The following DNAAF3 variants were observed in gnomAD, a reference collection of about 807,000 sequenced individuals.
DNAAF3 encodes the protein dynein axonemal assembly factor 3.
A neutral mutation model predicts 50.9 loss-of-function variants in DNAAF3; 40 were observed. That is an observed-to-expected ratio of 0.79 (90% CI 0.61 to 1.02). The LOEUF (loss-of-function observed/expected upper bound fraction) is 1.02, where lower values mean the gene tolerates loss of function less well. DNAAF3 is among the 50% of genes least tolerant of loss of function. DNAAF3 has a pLI of 0.00. For synonymous variants in DNAAF3, 327 were observed against 322.8 expected (o/e 1.01, Z -0.14); for missense variants, 763 against 744.7 (o/e 1.02, Z -0.29).
At chr19:55,162,331 G>A (rs967601608) in intron 4 of DNAAF3, 41 bp from the exon 5 acceptor site, 1 of 1,248,586 alleles carries the variant, frequency 8.0e-7, no homozygotes. Flanking sequence ...GTGTGGAGGA[G>A]GGAGCCCAGA....
chr19:55,162,562 G>C (rs1179492462), intron 4 of DNAAF3: 5 of 934,616 alleles, frequency 5.3e-6, no homozygotes, highest in Non-Finnish European at 6.6e-6. Context: ...CTCCAGCCTG[G>C]GCAACAGAGT....
chr19:55,161,765 G>GC lies in DNAAF3; in HGVS notation c.540dup (p.Pro181AlafsTer39). The GC allele has an allele frequency of 6.6e-7, 1 of 1,511,066 alleles. No individual in the cohort carries two copies. Among genetic ancestry groups the GC allele is most frequent in the Non-Finnish European group, 8.8e-7 (1 of 1,130,992 alleles). The allele number at this position is 1,511,066 out of a possible 1,614,324, so 93.6% of individuals were successfully genotyped here. Reference sequence around the variant, plus strand: ...AGGCGGCTCATGGGGAACGCCTGGGGCCCTTTCTCGCCGCCAGCCCAGAAG... The same window carrying GC: ...AGGCGGCTCATGGGGAACGCCTGGGGCCCCTTTCTCGCCGCCAGCCCAGAAG... On this transcript the variant is annotated frameshift_variant, in exon 6 of 12. Coordinates refer to ENST00000524407, the MANE Select transcript of DNAAF3 (RefSeq NM_001256715.2). LOFTEE classifies it high-confidence loss of function. The surrounding 1 kb of genome is among the most constrained non-coding windows in gnomAD (Gnocchi z 6.4).
chr19:55,160,656 C>T lies in DNAAF3; in HGVS notation c.1032G>A (p.Pro344=), dbSNP rs373649217. 3 of 1,613,840 alleles carry T rather than the reference C, an allele frequency of 1.9e-6. No individual in the cohort carries two copies. Among genetic ancestry groups the T allele is most frequent in the African/African-American group, 2.7e-5 (2 of 74,924 alleles). ...LEEQQHAEGS[P]EPGTPAAPTP... is the part of the protein sequence containing the mutation. Reference sequence around the variant, plus strand: ...CTGGCTTACCTGGAGTCCCTGGCTCCGGGCTTCCCTCCGCGTGCTGCTGCT... The same window carrying T: ...CTGGCTTACCTGGAGTCCCTGGCTCTGGGCTTCCCTCCGCGTGCTGCTGCT... The change falls in exon 9 of 12, where the codon CCG becomes CCA. Residue 344 remains proline (P), a synonymous_variant. Transcript: ENST00000524407. The surrounding 1 kb of genome is among the most constrained non-coding windows in gnomAD (Gnocchi z 4.7).
intron 10 of DNAAF3, 81 bp downstream of exon 10, chr19:55,159,818 G>T: frequency 7.1e-7 from 1 of 1,401,134 alleles, no homozygotes; most frequent in Non-Finnish European, 9.4e-7. Flanking sequence ...GGGGCTGGGG[G>T]CCTGGACTCC....
At position 55,158,928 on chromosome 19, in the gene DNAAF3, G is replaced by T. The variant is rs2085766484; in HGVS notation, c.*134C>A. On this transcript the variant is annotated 3_prime_UTR_variant, in exon 12 of 12. Transcript: ENST00000524407. The stretch of plus-strand genomic sequence containing the variant: ...AAGTCTACCAACACTCCCGGGGTGG[G>T]GGTGGCGGGTACTGAGTGGGAATGA... The T allele has an allele frequency of 7.5e-6, 7 of 931,544 alleles. No individual in the cohort carries two copies. Among genetic ancestry groups the T allele is most frequent in the Non-Finnish European group, 1.1e-5 (7 of 640,310 alleles). 57.7% of individuals were successfully genotyped at this position (931,544 alleles called of 1,614,324 possible).
In DNAAF3 at chr19:55,160,809, G is replaced by T. The variant is rs755342241; in HGVS notation, c.913-34C>A. The T allele has an allele frequency of 1.9e-5, 31 of 1,595,040 alleles. 1 individual carries two copies. The Admixed American group carries it at 5.3e-4, about 27-fold the overall frequency. On this transcript the variant is annotated intron_variant, in intron 8 of 11. Transcript: ENST00000524407. This position sits in a 1 kb window ranked among gnomAD's most constrained non-coding sequence, Gnocchi z 4.7. ...AGAAGGGGCGTGGCCAGACGTCGGG[G>T]CCAGGATGGCGGGGCGGGGCTTAGA...
intron 3 of DNAAF3, 46 bp from the exon 4 acceptor site, chr19:55,165,509 G>GAGACA: frequency 6.2e-7 from 1 of 1,600,814 alleles, no homozygotes; most frequent in South Asian, 1.1e-5. Context: ...CTGTTTGCCT[G>GAGACA]GGTCCTAGGA....
rs755289447 is a variant in DNAAF3 at position 55,159,402 on chromosome 19, C to T, written c.1286G>A (p.Arg429Gln). 19 of 1,614,016 alleles carry T rather than the reference C, an allele frequency of 1.2e-5. No homozygotes were observed. Among genetic ancestry groups the T allele is most frequent in the South Asian group, 4.4e-5 (4 of 91,080 alleles). ...AGCTGCCTGAGCTAGCTCCCTGACCCGGGTGTTGAATCCCTGCAGCTGCTC... is the reference window on the plus strand; with the variant it reads ...AGCTGCCTGAGCTAGCTCCCTGACCTGGGTGTTGAATCCCTGCAGCTGCTC... ...RQEQLQGFNTRVRELAQAAGF... is the reference protein window; with the variant it reads ...RQEQLQGFNTQVRELAQAAGF... Residue 429 changes from arginine to glutamine, a missense_variant, in exon 12 of 12, where the codon CGG becomes CAG. Physicochemically the swap from Arg to Gln is conservative, Grantham distance 43. Coordinates refer to ENST00000524407, the MANE Select transcript of DNAAF3 (RefSeq NM_001256715.2).
chr19:55,166,262 T>C lies in DNAAF3; in HGVS notation c.85+67A>G. 1.9e-6 allele frequency: 3 copies of C among 1,579,408 alleles called. No homozygotes were observed. Among genetic ancestry groups the C allele is most frequent in the Non-Finnish European group, 2.6e-6 (3 of 1,162,732 alleles). ...TGCCACCGACGCTGGGACTACGAGCTCTAAAAGGCCGTCTGCTCAGGCTGG... is the reference window on the plus strand; with the variant it reads ...TGCCACCGACGCTGGGACTACGAGCCCTAAAAGGCCGTCTGCTCAGGCTGG... On this transcript the variant is annotated intron_variant, in intron 2 of 11. Transcript: ENST00000524407. This position sits in a 1 kb window ranked among gnomAD's most constrained non-coding sequence, Gnocchi z 4.0.
At position 55,160,135 on chromosome 19, in the gene DNAAF3, T is replaced by C. The variant is rs938034729; in HGVS notation, c.1049-122A>G. The C allele has an allele frequency of 2.9e-6, 2 of 697,268 alleles. No homozygotes were observed. Among genetic ancestry groups the C allele is most frequent in the African/African-American group, 3.6e-5 (2 of 55,960 alleles). 43.2% of individuals were successfully genotyped at this position (697,268 alleles called of 1,614,324 possible). On this transcript the variant is annotated intron_variant, in intron 9 of 11. Coordinates refer to ENST00000524407, the MANE Select transcript of DNAAF3 (RefSeq NM_001256715.2). The surrounding 1 kb of genome is among the most constrained non-coding windows in gnomAD (Gnocchi z 4.7). ...CACAGGACTTGGAGATAACACTTTT[T>C]GTCCTCTTGCAGCTTTTTAAAAAAT...
rs1401025267 is a variant in DNAAF3, at chr19:55,161,471, ACC to A, written c.664-55_664-54del. On this transcript the variant is annotated intron_variant, in intron 6 of 11. Transcript: ENST00000524407. The surrounding 1 kb of genome is among the most constrained non-coding windows in gnomAD (Gnocchi z 6.4). The stretch of plus-strand genomic sequence containing the variant: ...CCCTCAGTGAACCGAGCGTGGAGAG[ACC>A]CCTACACCAGCCTCCCTCAGACCCA... 1 of 1,544,512 alleles carries A rather than the reference ACC, an allele frequency of 6.5e-7. No homozygotes were observed. Among genetic ancestry groups the A allele is most frequent in the African/African-American group, 1.4e-5 (1 of 72,194 alleles).
chr19:55,165,889 C>G lies in DNAAF3; in HGVS notation c.197G>C (p.Arg66Pro), dbSNP rs768690291. 4 of 1,614,054 alleles carry G rather than the reference C, an allele frequency of 2.5e-6. No homozygotes were observed. In the African/African-American group the frequency reaches 4.0e-5, roughly 16 times the overall value. The change falls in exon 3 of 12, where the codon CGA (arginine) becomes CCA (proline). Residue 66 changes from arginine (R) to proline (P), a missense_variant. Coordinates refer to ENST00000524407, the MANE Select transcript of DNAAF3 (RefSeq NM_001256715.2). ...CCTCCTGCGAGGCCAGAACTTCGCT[C>G]GGGACAGGGTCCGCAGCAGGTGCCG... ...DGRHLLRTLS[R>P]AKFWPRRRFN...
rs890871 is a variant in DNAAF3 at position 55,160,687 on chromosome 19, A to G, written c.1001T>C (p.Leu334Pro). The G allele has an allele frequency of 0.049, 79,059 of 1,613,638 alleles. 6,200 individuals are homozygous for G. The highest frequency in any genetic ancestry group is 0.32 in the Admixed American group (19,222 of 59,996). The change falls in exon 9 of 12, where the codon CTG becomes CCG. Residue 334 changes from leucine (L) to proline (P), a missense_variant. Transcript: ENST00000524407. The surrounding 1 kb of genome is among the most constrained non-coding windows in gnomAD (Gnocchi z 4.7). ...WGRARATGGD[L>P]EEQQHAEGSP... ...TCCCTCCGCGTGCTGCTGCTCCTCC[A>G]GGTCCCCCCCGGTGGCTCTCGCGCG...
chr19:55,164,341 G>T (rs934275253), intron 4 of DNAAF3, among the ~76,000 whole-genome samples: 5 of 152,048 alleles, frequency 3.3e-5, no homozygotes, highest in Non-Finnish European at 7.4e-5. Flanking sequence ...CCTTAGCCGG[G>T]CATGGTGGTG....
Position 55,158,990 on chromosome 19 carries a change from A to G in DNAAF3, c.*72T>C. The G allele has an allele frequency of 1.3e-6, 2 of 1,488,310 alleles. No individual in the cohort carries two copies. Among genetic ancestry groups the G allele is most frequent in the Non-Finnish European group, 1.8e-6 (2 of 1,111,788 alleles). 92.2% of individuals were successfully genotyped at this position (1,488,310 alleles called of 1,614,324 possible). A position where few individuals can be genotyped will look rare whatever the true frequency, so the allele number is the denominator to read the frequency against. Reference sequence around the variant, plus strand: ...TTGAGGACTCTAGCAGCGGACTTAGAATGGTATCAGCGGGTTCTCATCCTA... The same window carrying G: ...TTGAGGACTCTAGCAGCGGACTTAGGATGGTATCAGCGGGTTCTCATCCTA... On this transcript the variant is annotated 3_prime_UTR_variant, in exon 12 of 12. Coordinates refer to ENST00000524407, the MANE Select transcript of DNAAF3 (RefSeq NM_001256715.2).
intron 4 of DNAAF3, among the ~76,000 whole-genome samples, chr19:55,163,073 G>C (rs1242506317): frequency 5.3e-5 from 7 of 132,506 alleles, no homozygotes; most frequent in East Asian, 4.6e-4. Flanking sequence ...GCAGTGGCGC[G>C]ATCCCGGCTC....
In DNAAF3 at chr19:55,162,997, C is replaced by CTT. The variant is rs576178532; in HGVS notation, c.323-709_323-708dup. 5.2e-3 allele frequency among the ~76,000 whole-genome samples: 480 copies of CTT among 92,132 alleles called. 42 individuals are homozygous for CTT. The highest frequency in any genetic ancestry group is 7.2e-3 in the Non-Finnish European group (338 of 46,832). 60.4% of individuals were successfully genotyped at this position (92,132 alleles called of 152,430 possible). A position where few individuals can be genotyped will look rare whatever the true frequency, so the allele number is the denominator to read the frequency against. ...TTTTATTTCTTTTTCTTTTCTTTTT[C>CTT]TTTTTTTTTTTTTTTTTTTTTTTTT... On this transcript the variant is annotated intron_variant, in intron 4 of 11. Transcript: ENST00000524407.
chr19:55,165,255 C>T, intron 4 of DNAAF3, 115 bp downstream of exon 4: 2 of 1,009,608 alleles, frequency 2.0e-6, no homozygotes, highest in Non-Finnish European at 3.0e-6. Context: ...CTCACTGTAA[C>T]CTCCGCCTCC....
Position 55,166,454 on chromosome 19 carries a change from C to T in DNAAF3, c.-4-37G>A, listed in dbSNP as rs758980929. On this transcript the variant is annotated intron_variant, in intron 1 of 11. Coordinates refer to ENST00000524407, the MANE Select transcript of DNAAF3 (RefSeq NM_001256715.2). The surrounding 1 kb of genome is among the most constrained non-coding windows in gnomAD (Gnocchi z 4.0). Reference sequence around the variant, plus strand: ...ACATTCTGGGAATCGCACACATTGCCCGCCCCGCTCCCCTCTCACCGCCCC... The same window carrying T: ...ACATTCTGGGAATCGCACACATTGCTCGCCCCGCTCCCCTCTCACCGCCCC... 6.2e-7 allele frequency: 1 copy of T among 1,613,186 alleles called. No homozygotes were observed. Among genetic ancestry groups the T allele is most frequent in the South Asian group, 1.1e-5 (1 of 91,014 alleles).
Sources: gnomAD v4.1 joint callset for allele counts (sites outside exome capture counted in the v4.1 genomes callset) on GRCh38, gnomAD v4.1.1 for gene constraint, Gnocchi (gnomAD v3.1) non-coding constraint, MANE v1.5 for transcripts, NCBI Gene and HGNC (gene_info 2026-07-23, HGNC 2026-07-21) for gene names.